RIMS2: variants seen among roughly 807,000 people sequenced by gnomAD.
The protein encoded by RIMS2 is regulating synaptic membrane exocytosis protein 2.
Under a neutral mutation model 174.4 loss-of-function variants are expected in RIMS2, and 59 were observed. That is an observed-to-expected ratio of 0.34 (90% CI 0.27 to 0.42). The LOEUF (loss-of-function observed/expected upper bound fraction) is 0.42. RIMS2 is among the 10% of genes least tolerant of loss of function. RIMS2 has a pLI of 1.00. For synonymous variants in RIMS2, 606 were observed against 572.5 expected (o/e 1.06, Z -0.84); for missense variants, 1,620 against 1,666.3 (o/e 0.97, Z 0.48).
At chr8:103,512,042 T>C (rs904562387) in intron 1 of RIMS2, among the ~76,000 whole-genome samples, 3 of 152,106 alleles carry the variant, frequency 2.0e-5, no homozygotes, top group African/African-American at 7.2e-5. Flanking sequence ...AGGAAACTTA[T>C]TGGGAAGCCA....
chr8:103,853,954 T>C (rs975228105), intron 3 of RIMS2, among the ~76,000 whole-genome samples: 18 of 152,126 alleles, frequency 1.2e-4, no homozygotes, highest in Admixed American at 3.3e-4. Flanking sequence ...AGGAATTTCA[T>C]TGAACCTGTA....
At chr8:103,631,630 T>C (rs1471499261) in intron 1 of RIMS2, among the ~76,000 whole-genome samples, 3 of 152,210 alleles carry the variant, frequency 2.0e-5, no homozygotes, top group Non-Finnish European at 4.4e-5. Context: ...TTTGGTTCCA[T>C]GTGAATTTTA....
chr8:103,892,781 A>T (rs955991000), intron 4 of RIMS2, among the ~76,000 whole-genome samples: 2 of 152,000 alleles, frequency 1.3e-5, no homozygotes, highest in Admixed American at 1.3e-4. Flanking sequence ...AAGTGCTGGG[A>T]TTATAGCCAT....
At chr8:104,099,598 T>C (rs1049423550) in intron 19 of RIMS2, among the ~76,000 whole-genome samples, 6 of 152,230 alleles carry the variant, frequency 3.9e-5, no homozygotes, top group Non-Finnish European at 5.9e-5. Context: ...CTCTTTTGGG[T>C]TGCTTGTATT....
In RIMS2 at chr8:103,505,132, G is replaced by A. The variant is rs1822817822; in HGVS notation, c.176+4070G>A. ...GCCTCTCAAAGTGTTGGGATTACAG[G>A]TGTGAGCAACCCGCAGCCCCCAAAT... On this transcript the variant is annotated intron_variant, in intron 1 of 23. Coordinates refer to ENST00000504942, the Ensembl canonical transcript of RIMS2. Among the ~76,000 whole-genome samples, 4 of 151,998 alleles carry A rather than the reference G, an allele frequency of 2.6e-5. No individual in the cohort carries two copies. In the South Asian group the frequency reaches 8.3e-4, roughly 32 times the overall value.
At chr8:103,634,546 A>G (rs1416367421) in intron 1 of RIMS2, among the ~76,000 whole-genome samples, 2 of 152,220 alleles carry the variant, frequency 1.3e-5, no homozygotes, top group Non-Finnish European at 2.9e-5. Context: ...CATTTGGTAC[A>G]ATGCTGAGTT....
At chr8:103,575,895 G>A (rs1260725724) in intron 1 of RIMS2, among the ~76,000 whole-genome samples, 2 of 152,026 alleles carry the variant, frequency 1.3e-5, no homozygotes, top group African/African-American at 2.4e-5. Context: ...TTCTACACTG[G>A]AAAAAGTGAG....
chr8:103,580,487 T>A (rs920873330), intron 1 of RIMS2, among the ~76,000 whole-genome samples: 11 of 151,848 alleles, frequency 7.2e-5, no homozygotes, highest in African/African-American at 2.4e-4. Context: ...ATAAAGGGGA[T>A]CAATTCAACA....
intron 2 of RIMS2, among the ~76,000 whole-genome samples, chr8:103,703,234 T>C (rs1285133553): frequency 6.6e-6 from 1 of 151,932 alleles, no homozygotes; most frequent in Non-Finnish European, 1.5e-5. Context: ...TTTTTGTTTG[T>C]TTGTTTGTTT....
At chr8:103,727,657 G>T (rs2097541357) in intron 2 of RIMS2, among the ~76,000 whole-genome samples, 1 of 152,104 alleles carries the variant, frequency 6.6e-6, no homozygotes, top group Non-Finnish European at 1.5e-5. Context: ...TCTGTGTATG[G>T]ATATGCAGTT....
At chr8:104,028,056 A>C (rs1380510603) in intron 19 of RIMS2, among the ~76,000 whole-genome samples, 1 of 152,014 alleles carries the variant, frequency 6.6e-6, no homozygotes, top group Non-Finnish European at 1.5e-5. Context: ...TCAGCCTTCC[A>C]AGTAGCTGAA....
At chr8:103,936,505 A>G (rs754630276) in intron 12 of RIMS2, 46 bp from the exon 15 acceptor site, 35 of 1,298,956 alleles carry the variant, frequency 2.7e-5, no homozygotes, top group Non-Finnish European at 3.4e-5. Context: ...TTAGGACAAA[A>G]CTTATAGTTC....
At chr8:104,251,119 C>A in exon 23 of RIMS2, 1 of 1,613,318 alleles carries the variant, frequency 6.2e-7, no homozygotes, top group Non-Finnish European at 8.5e-7. Flanking sequence ...CCTTTACCAG[C>A]AGCTATTATC....
intron 19 of RIMS2, among the ~76,000 whole-genome samples, chr8:104,166,579 C>G (rs147807088): frequency 6.6e-6 from 1 of 151,750 alleles, no homozygotes. Flanking sequence ...AAATGGAACC[C>G]ATTTAACTTT....
At chr8:104,049,126 T>TA (rs397891918) in intron 19 of RIMS2, among the ~76,000 whole-genome samples, 1,946 of 139,812 alleles carry the variant, frequency 0.014, 22 homozygotes, top group Middle Eastern at 0.12. Context: ...GATTTTTCTT[T>TA]AAAAAAAAAA....
At chr8:104,087,017 T>C (rs1275785538) in intron 19 of RIMS2, among the ~76,000 whole-genome samples, 7 of 152,046 alleles carry the variant, frequency 4.6e-5, no homozygotes, top group Non-Finnish European at 1.0e-4. Flanking sequence ...ACTCCGTAAA[T>C]TGGAATTTTT....
intron 19 of RIMS2, among the ~76,000 whole-genome samples, chr8:104,082,508 T>C (rs1340704573): frequency 6.6e-6 from 1 of 152,144 alleles, no homozygotes; most frequent in African/African-American, 2.4e-5. Flanking sequence ...AACAAAGTTA[T>C]GGCGTTACAT....
chr8:103,688,190 T>A (rs1194980087), intron 1 of RIMS2, among the ~76,000 whole-genome samples: 1 of 152,116 alleles, frequency 6.6e-6, no homozygotes, highest in Non-Finnish European at 1.5e-5. Flanking sequence ...TAGAGGAAAG[T>A]TTCCAACTTT....
intron 1 of RIMS2, among the ~76,000 whole-genome samples, chr8:103,517,669 T>C (rs1829626673): frequency 6.6e-6 from 1 of 152,206 alleles, no homozygotes; most frequent in Non-Finnish European, 1.5e-5. Flanking sequence ...GTACTGCCTG[T>C]AGTGTCAGTG....
Sources: allele counts gnomAD v4.1 joint callset (sites outside exome capture counted in the v4.1 genomes callset), GRCh38; gene constraint gnomAD v4.1.1; transcripts MANE v1.5; gene names NCBI Gene and HGNC (gene_info 2026-07-23, HGNC 2026-07-21).